The following ACBD6 variants were observed in gnomAD, a reference collection of about 807,000 sequenced individuals.
ACBD6 encodes acyl-CoA binding domain containing 6.
ACBD6 carries 28 observed loss-of-function variants against 37.2 expected under a neutral mutation model. The observed-to-expected ratio is 0.75, with a 90% confidence interval of 0.56 to 1.03. The LOEUF (loss-of-function observed/expected upper bound fraction) is 1.03. ACBD6 is among the 50% of genes least tolerant of loss of function. The pLI is 0.00. For synonymous variants in ACBD6, 113 were observed against 126.8 expected, an observed-to-expected ratio of 0.89 and a Z score of 0.73; for missense variants, 340 against 337.4, an observed-to-expected ratio of 1.01 and a Z score of -0.06.
intron 4 of ACBD6, among the ~76,000 whole-genome samples, chr1:180,414,990 T>C (rs1648017173): frequency 6.6e-6 from 1 of 152,112 alleles, no homozygotes; most frequent in Admixed American, 6.6e-5. Context: ...GGCATCAGAA[T>C]GGCGTGAACC....
chr1:180,422,392 G>T (rs1466482726), intron 4 of ACBD6, among the ~76,000 whole-genome samples: 1 of 152,032 alleles, frequency 6.6e-6, no homozygotes, highest in Non-Finnish European at 1.5e-5. Context: ...TTTTTGCAGA[G>T]ATGGGGTTTC....
In ACBD6 at chr1:180,502,532, A is replaced by C; in HGVS notation, c.-266T>G. 1.9e-6 allele frequency: 1 copy of C among 513,530 alleles called. No individual in the cohort carries two copies. Among genetic ancestry groups the C allele is most frequent in the Non-Finnish European group, 3.6e-6 (1 of 281,624 alleles). The allele number at this position is 513,530 out of a possible 1,614,324, so 31.8% of individuals were successfully genotyped here. On this transcript the variant is annotated 5_prime_UTR_variant, in exon 1 of 8. Transcript: ENST00000367595. The stretch of plus-strand genomic sequence containing the variant: ...CTTCCCTCCGGCCAACAGCGCGCTC[A>C]GGCTCGCCTCAGGCCCCTCCAACGG...
At chr1:180,495,339 C>A in intron 2 of ACBD6, 122 bp downstream of exon 2, 1 of 688,198 alleles carries the variant, frequency 1.5e-6, no homozygotes, top group South Asian at 2.5e-5. Flanking sequence ...GTCATTAGTA[C>A]AATCTACAGC....
At chr1:180,288,846 C>A (rs570782474) in intron 7 of ACBD6, among the ~76,000 whole-genome samples, 1 of 152,142 alleles carries the variant, frequency 6.6e-6, no homozygotes, top group African/African-American at 2.4e-5. Flanking sequence ...ATCTATTTTA[C>A]TTTGATCTTT....
At chr1:180,491,832 T>C (rs888224270) in intron 3 of ACBD6, among the ~76,000 whole-genome samples, 1 of 152,192 alleles carries the variant, frequency 6.6e-6, no homozygotes. Flanking sequence ...TTTTCTGAGA[T>C]GGAGTCTCAC....
chr1:180,427,545 A>G (rs1648632827), intron 4 of ACBD6, among the ~76,000 whole-genome samples: 1 of 152,222 alleles, frequency 6.6e-6, no homozygotes, highest in Non-Finnish European at 1.5e-5. Flanking sequence ...ACCCATTTTC[A>G]TTGTTGCAAT....
chr1:180,303,105 A>G (rs1321761813), intron 7 of ACBD6, among the ~76,000 whole-genome samples: 2 of 151,232 alleles, frequency 1.3e-5, no homozygotes, highest in Non-Finnish European at 3.0e-5. Flanking sequence ...CATTCAAAGC[A>G]GTGTGTAGAG....
chr1:180,461,243 G>A (rs1650134277), intron 3 of ACBD6, among the ~76,000 whole-genome samples: 2 of 152,132 alleles, frequency 1.3e-5, no homozygotes, highest in Non-Finnish European at 2.9e-5. Flanking sequence ...TGAGAAATAT[G>A]GGATTATATA....
chr1:180,388,163 G>A (rs1429254067), intron 6 of ACBD6, among the ~76,000 whole-genome samples: 16 of 140,212 alleles, frequency 1.1e-4, no homozygotes, highest in East Asian at 6.3e-4. Flanking sequence ...GTGACAGAGC[G>A]AGACTCCGTC....
intron 7 of ACBD6, among the ~76,000 whole-genome samples, chr1:180,296,262 T>A (rs1336444833): frequency 1.3e-5 from 2 of 152,102 alleles, no homozygotes. Flanking sequence ...GAAGAAAAGT[T>A]AGGAGTTGGC....
At chr1:180,484,452 A>G (rs1181128196) in intron 3 of ACBD6, among the ~76,000 whole-genome samples, 2 of 152,188 alleles carry the variant, frequency 1.3e-5, no homozygotes, top group Non-Finnish European at 2.9e-5. Flanking sequence ...TCTAGACTTA[A>G]GCAAATGAGT....
chr1:180,381,226 T>C (rs1200410002), intron 6 of ACBD6, among the ~76,000 whole-genome samples: 1 of 152,184 alleles, frequency 6.6e-6, no homozygotes, highest in African/African-American at 2.4e-5. Context: ...CAAATATTAT[T>C]AGATTTAAAG....
chr1:180,494,876 T>C (rs1351266595), intron 2 of ACBD6, among the ~76,000 whole-genome samples: 1 of 152,188 alleles, frequency 6.6e-6, no homozygotes, highest in Non-Finnish European at 1.5e-5. Context: ...TTAAAAAAGT[T>C]TGCAAAAGTA....
At chr1:180,337,052 C>G (rs985323942) in intron 6 of ACBD6, among the ~76,000 whole-genome samples, 10 of 151,966 alleles carry the variant, frequency 6.6e-5, no homozygotes, top group Non-Finnish European at 8.8e-5. Flanking sequence ...ACCAGACATT[C>G]ACAGCCGAAT....
intron 3 of ACBD6, among the ~76,000 whole-genome samples, chr1:180,471,236 C>CA (rs1462990313): frequency 4.0e-5 from 6 of 151,796 alleles, no homozygotes; most frequent in South Asian, 4.2e-4. Context: ...CATGTCTCTA[C>CA]AAAAAAATAC....
chr1:180,455,261 T>C (rs1437237191), intron 3 of ACBD6, among the ~76,000 whole-genome samples: 2 of 151,010 alleles, frequency 1.3e-5, no homozygotes, highest in Non-Finnish European at 2.9e-5. Context: ...CTCAGCAAAC[T>C]AACACAGGAA....
chr1:180,360,262 AAC>A (rs1319341422), intron 6 of ACBD6, among the ~76,000 whole-genome samples: 2 of 152,208 alleles, frequency 1.3e-5, no homozygotes, highest in Non-Finnish European at 2.9e-5. Flanking sequence ...TAAGGAGACA[AAC>A]GTCCAAAAAA....
chr1:180,374,180 A>C (rs1022315937), intron 6 of ACBD6, among the ~76,000 whole-genome samples: 1 of 152,210 alleles, frequency 6.6e-6, no homozygotes, highest in Non-Finnish European at 1.5e-5. Context: ...GGCATGCATG[A>C]AAGTGATTCC....
intron 7 of ACBD6, among the ~76,000 whole-genome samples, chr1:180,294,871 C>T (rs1300058000): frequency 2.0e-5 from 3 of 151,840 alleles, no homozygotes; most frequent in African/African-American, 7.3e-5. Flanking sequence ...TGTTTTAAAA[C>T]ATTTGTTGTA....
Sources: allele counts gnomAD v4.1 joint callset (sites outside exome capture counted in the v4.1 genomes callset), GRCh38; gene constraint gnomAD v4.1.1; transcripts MANE v1.5; gene names NCBI Gene and HGNC (gene_info 2026-07-23, HGNC 2026-07-21).